Variants in USH2A observed in about 807,000 individuals in gnomAD.
USH2A encodes the protein usherin, also known as Usher syndrome 2A (autosomal recessive, mild).
In USH2A, 443 loss-of-function variants were observed where a neutral mutation model predicts 538.9. That is an observed-to-expected ratio of 0.82 (90% CI 0.76 to 0.89). The LOEUF (loss-of-function observed/expected upper bound fraction) is 0.89, where lower values mean the gene tolerates loss of function less well. Ranked by LOEUF, USH2A falls within the 40% of genes least tolerant of loss-of-function variation. The probability of loss-of-function intolerance (pLI) is 0.00; values close to 1 mark genes in which losing one functional copy is unlikely to be tolerated. For synonymous variants in USH2A, 2,413 were observed against 2,273.5 expected (o/e 1.06, Z -1.75); for missense variants, 6,633 against 6,324.8 (o/e 1.05, Z -1.65).
intron 71 of USH2A, among the ~76,000 whole-genome samples, chr1:215,627,441 C>T (rs199601415): frequency 0.27 from 14,399 of 52,880 alleles, 1,271 homozygotes; most frequent in East Asian, 0.35. Flanking sequence ...TCCTTCCTTC[C>T]TTCCTTCCTT....
intron 27 of USH2A, among the ~76,000 whole-genome samples, chr1:216,077,019 T>G (rs1409609278): frequency 6.6e-6 from 1 of 152,142 alleles, no homozygotes; most frequent in African/African-American, 2.4e-5. Context: ...AGAGACTTAG[T>G]GTCTTGCTAT....
intron 37 of USH2A, among the ~76,000 whole-genome samples, chr1:215,946,341 T>C (rs1161476601): frequency 1.3e-5 from 2 of 152,204 alleles, no homozygotes; most frequent in East Asian, 3.8e-4. Flanking sequence ...TTAACAGTTA[T>C]ATTCATGGGA....
At chr1:216,301,714 T>G (rs1377865763) in intron 9 of USH2A, among the ~76,000 whole-genome samples, 3 of 152,212 alleles carry the variant, frequency 2.0e-5, no homozygotes, top group African/African-American at 7.2e-5. Flanking sequence ...GATTATAAAA[T>G]GATCACTTTT....
At chr1:216,330,273 C>T (rs564037077) in intron 4 of USH2A, among the ~76,000 whole-genome samples, 6 of 152,118 alleles carry the variant, frequency 3.9e-5, no homozygotes, top group South Asian at 4.1e-4. Context: ...CTTGCATTCA[C>T]GTAGATAAAC....
At chr1:216,033,982 T>C (rs1669186333) in intron 32 of USH2A, among the ~76,000 whole-genome samples, 3 of 152,100 alleles carry the variant, frequency 2.0e-5, no homozygotes, top group Non-Finnish European at 2.9e-5. Flanking sequence ...AGCACATTGG[T>C]AGGATGTGGC....
chr1:215,909,212 G>C (rs1665713268), intron 38 of USH2A, among the ~76,000 whole-genome samples: 1 of 151,710 alleles, frequency 6.6e-6, no homozygotes, highest in South Asian at 2.1e-4. Flanking sequence ...TAAGAGGGGT[G>C]AGATGAAAGA....
chr1:215,683,499 T>C (rs1414251214), intron 61 of USH2A, among the ~76,000 whole-genome samples: 1 of 152,242 alleles, frequency 6.6e-6, no homozygotes, highest in Admixed American at 6.5e-5. Flanking sequence ...CAGTTCACTC[T>C]GTGAATTGGG....
chr1:216,085,085 A>G (rs908846227), intron 24 of USH2A: 1 of 559,586 alleles, frequency 1.8e-6, no homozygotes, highest in Non-Finnish European at 3.2e-6. Context: ...CAAACCCATC[A>G]TATCTGCAGA....
At chr1:216,246,457 A>T (rs1027172566) in intron 13 of USH2A, 128 bp downstream of exon 13, 4 of 1,151,236 alleles carry the variant, frequency 3.5e-6, no homozygotes, top group Non-Finnish European at 5.0e-6. Context: ...TTGGATAATG[A>T]TATAAATACA....
intron 47 of USH2A, among the ~76,000 whole-genome samples, chr1:215,832,752 A>C (rs1247972233): frequency 6.6e-6 from 1 of 151,912 alleles, no homozygotes; most frequent in African/African-American, 2.4e-5. Flanking sequence ...GGCAGGAAAA[A>C]GAAATAAAAG....
intron 14 of USH2A, among the ~76,000 whole-genome samples, chr1:216,231,252 TATATATAA>T: frequency 1.0e-5 from 1 of 98,916 alleles, no homozygotes; most frequent in South Asian, 3.1e-4. Flanking sequence ...ATATATATTA[TATATATAA>T]TATATATATA....
At chr1:215,988,651 C>T (rs1240995502) in intron 35 of USH2A, among the ~76,000 whole-genome samples, 2 of 152,218 alleles carry the variant, frequency 1.3e-5, no homozygotes, top group African/African-American at 4.8e-5. Flanking sequence ...AGTTTCTCCA[C>T]ATCCTTTCCA....
Position 215,634,635 on chromosome 1 carries a change from G to T in USH2A, c.15121C>A (p.Leu5041Met), listed in dbSNP as rs1474477811. The T allele has an allele frequency of 6.2e-7, 1 of 1,614,214 alleles. No homozygotes were observed. The highest frequency in any genetic ancestry group is 1.7e-5 in the Admixed American group (1 of 60,022). ...ATCGCCATTAACACTATGAACCACA[G>T]CTCGCTGTAGAACTCTGTGCTTTTG... is the stretch of plus-strand genomic sequence containing the variant. ...RSKSTEFYSE[L>M]WFIVLMAMLG... is the part of the protein sequence containing the mutation. Residue 5041 changes from leucine (L) to methionine (M), a missense_variant, in exon 70 of 72, where the codon CTG becomes ATG. Coordinates refer to ENST00000307340, the MANE Select transcript of USH2A (RefSeq NM_206933.4).
intron 9 of USH2A, among the ~76,000 whole-genome samples, chr1:216,320,241 G>A (rs1002214286): frequency 7.9e-5 from 12 of 152,026 alleles, no homozygotes; most frequent in African/African-American, 2.9e-4. Flanking sequence ...AGACACGGCT[G>A]TTTAAAAGAG....
At chr1:216,047,340 C>G (rs1409512963) in intron 31 of USH2A, among the ~76,000 whole-genome samples, 2 of 152,078 alleles carry the variant, frequency 1.3e-5, no homozygotes, top group Non-Finnish European at 2.9e-5. Flanking sequence ...GAAAATAATG[C>G]AACATAGGGC....
chr1:216,325,214 A>G (rs906711154), intron 6 of USH2A, 91 bp downstream of exon 6: 3 of 1,360,804 alleles, frequency 2.2e-6, no homozygotes, highest in Admixed American at 3.5e-5. Context: ...CTGTTAGGGA[A>G]TATATTTCTG....
chr1:216,071,725 C>A (rs551946243), intron 29 of USH2A, among the ~76,000 whole-genome samples: 1 of 152,158 alleles, frequency 6.6e-6, no homozygotes, highest in Non-Finnish European at 1.5e-5. Flanking sequence ...CTGAATTATA[C>A]TCAAAGCGGG....
chr1:216,285,651 T>A (rs2036867878), intron 11 of USH2A, among the ~76,000 whole-genome samples: 1 of 152,104 alleles, frequency 6.6e-6, no homozygotes, highest in African/African-American at 2.4e-5. Flanking sequence ...ACACCTTGCA[T>A]CGTGTGCCTG....
At chr1:215,785,445 T>C (rs1022043021) in intron 52 of USH2A, among the ~76,000 whole-genome samples, 2 of 152,196 alleles carry the variant, frequency 1.3e-5, no homozygotes, top group Admixed American at 6.5e-5. Flanking sequence ...CGAGTAACTT[T>C]TACAGATCTG....
Sources: gnomAD v4.1 joint callset for allele counts (sites outside exome capture counted in the v4.1 genomes callset) on GRCh38, gnomAD v4.1.1 for gene constraint, MANE v1.5 for transcripts, NCBI Gene and HGNC (gene_info 2026-07-23, HGNC 2026-07-21) for gene names.